The following LDB2 variants were observed in gnomAD, a reference collection of about 807,000 sequenced individuals.
LDB2 encodes the protein LIM domain-binding protein 2.
LDB2 carries 12 observed loss-of-function variants against 44.3 expected under a neutral mutation model. That is an observed-to-expected ratio of 0.27 (90% CI 0.17 to 0.44). The LOEUF (loss-of-function observed/expected upper bound fraction) is 0.44. Ranked by LOEUF, LDB2 falls within the 20% of genes least tolerant of loss-of-function variation. The pLI is 1.00. For synonymous variants in LDB2, 164 were observed against 174.8 expected (o/e 0.94, Z 0.49); for missense variants, 344 against 473.5 (o/e 0.73, Z 2.54).
At chr4:16,760,838 C>T (rs1007442588) in intron 1 of LDB2, among the ~76,000 whole-genome samples, 3 of 152,140 alleles carry the variant, frequency 2.0e-5, no homozygotes, top group African/African-American at 4.8e-5. Context: ...AAACCCTATT[C>T]GGAAGACTGG....
chr4:16,756,821 A>C lies in LDB2; in HGVS notation c.235+2337T>G, dbSNP rs370475176. ...AGGATTTATGGCAACTTAGAGATAA[A>C]GTATTATAGACCCAAAAGGACCCCC... is the stretch of plus-strand genomic sequence containing the variant. On this transcript the variant is annotated intron_variant, in intron 2 of 7. Coordinates refer to ENST00000304523, the MANE Select transcript of LDB2 (RefSeq NM_001290.5). Among the ~76,000 whole-genome samples, 47 of 152,236 alleles carry C rather than the reference A, an allele frequency of 3.1e-4. No individual in the cohort carries two copies. The South Asian group carries it at 3.3e-3, about 11-fold the overall frequency.
At chr4:16,708,922 A>G (rs1578960896) in intron 2 of LDB2, among the ~76,000 whole-genome samples, 1 of 151,946 alleles carries the variant, frequency 6.6e-6, no homozygotes, top group Admixed American at 6.6e-5. Context: ...GCAGGTCTCT[A>G]CCCTGCAAGC....
chr4:16,511,895 T>C, intron 6 of LDB2, 86 bp downstream of exon 6: 1 of 1,421,540 alleles, frequency 7.0e-7, no homozygotes. Flanking sequence ...AAATTAATGA[T>C]CACTTTCTTC....
Position 16,659,671 on chromosome 4 carries a change from G to GTGTGTATATATATATATA in LDB2, c.236-63797_236-63796insTATATATATATATACACA, listed in dbSNP as rs1315288524. On this transcript the variant is annotated intron_variant, in intron 2 of 7. Transcript: ENST00000304523. ...CACACATATGAGTATATCTATGTGT[G>GTGTGTATATATATATATA]TATATATATATATATATATATGTAT... is the stretch of plus-strand genomic sequence containing the variant. Among the ~76,000 whole-genome samples, 67 of 133,546 alleles carry GTGTGTATATATATATATA rather than the reference G, an allele frequency of 5.0e-4. 3 individuals carry two copies. The South Asian group carries it at 6.7e-3, about 13-fold the overall frequency. The allele number at this position is 133,546 out of a possible 152,430, so 87.6% of individuals were successfully genotyped here.
chr4:16,864,969 C>T (rs138288277), intron 1 of LDB2, among the ~76,000 whole-genome samples: 1,817 of 151,602 alleles, frequency 0.012, 15 homozygotes, highest in Middle Eastern at 0.041. Context: ...ACCGGCCAGG[C>T]GCGGTGTGGC....
intron 1 of LDB2, among the ~76,000 whole-genome samples, chr4:16,849,968 C>T (rs1360143637): frequency 3.3e-5 from 5 of 152,146 alleles, no homozygotes; most frequent in African/African-American, 1.2e-4. Flanking sequence ...TTAACAATCC[C>T]CAGGAAGGTG....
chr4:16,892,804 A>C (rs1036396025), intron 1 of LDB2, among the ~76,000 whole-genome samples: 5 of 152,186 alleles, frequency 3.3e-5, no homozygotes, highest in African/African-American at 1.2e-4. Context: ...CCCAAACAAA[A>C]AGCTAAATGT....
intron 2 of LDB2, among the ~76,000 whole-genome samples, chr4:16,637,171 C>T (rs2152503565): frequency 6.6e-6 from 1 of 152,238 alleles, no homozygotes; most frequent in Middle Eastern, 3.4e-3. Flanking sequence ...ACAAATTCTA[C>T]TTTTGTGGAG....
At chr4:16,685,073 T>C (rs1248646396) in intron 2 of LDB2, among the ~76,000 whole-genome samples, 1 of 152,198 alleles carries the variant, frequency 6.6e-6, no homozygotes, top group East Asian at 1.9e-4. Flanking sequence ...ATGTATAGCT[T>C]GGAAAGGGCC....
intron 6 of LDB2, among the ~76,000 whole-genome samples, chr4:16,509,883 A>T (rs1341147693): frequency 6.6e-6 from 1 of 152,134 alleles, no homozygotes; most frequent in Non-Finnish European, 1.5e-5. Context: ...TGGGAGGACG[A>T]GGCAAGTGGA....
At position 16,893,090 on chromosome 4, in the gene LDB2, T is replaced by C. The variant is rs2302191; in HGVS notation, c.132+5264A>G. ...TCTTACAATTGGTTTTCTGAGGCCA[T>C]GTAGAGATCCTGAAAAATAAGAGAG... is the stretch of plus-strand genomic sequence containing the variant. On this transcript the variant is annotated intron_variant, in intron 1 of 7. Transcript: ENST00000304523. The C allele has an allele frequency of 9.3e-6, 9 of 972,732 alleles. No individual in the cohort carries two copies. In the East Asian group the frequency reaches 8.0e-4, roughly 86 times the overall value. The allele number at this position is 972,732 out of a possible 1,614,324, so 60.3% of individuals were successfully genotyped here.
Position 16,690,121 on chromosome 4 carries a change from A to G in LDB2, c.235+69037T>C, listed in dbSNP as rs554640660. On this transcript the variant is annotated intron_variant, in intron 2 of 7. Coordinates refer to ENST00000304523, the MANE Select transcript of LDB2 (RefSeq NM_001290.5). ...GGCCATGATCTTAGAAAAGGAACACACTGTCCTCAGTTTCTAACTCATGGG... is the reference window on the plus strand; with the variant it reads ...GGCCATGATCTTAGAAAAGGAACACGCTGTCCTCAGTTTCTAACTCATGGG... Among the ~76,000 whole-genome samples, 7 of 152,278 alleles carry G rather than the reference A, an allele frequency of 4.6e-5. No individual in the cohort carries two copies. The South Asian group carries it at 8.3e-4, about 18-fold the overall frequency.
intron 1 of LDB2, among the ~76,000 whole-genome samples, chr4:16,793,128 T>G (rs1776095174): frequency 6.6e-6 from 1 of 152,220 alleles, no homozygotes. Context: ...AAACTTCATT[T>G]CTAAGTGTGC....
At chr4:16,743,619 A>G (rs1374809432) in intron 2 of LDB2, among the ~76,000 whole-genome samples, 2 of 150,098 alleles carry the variant, frequency 1.3e-5, no homozygotes, top group African/African-American at 2.4e-5. Context: ...TTAAAAAGAC[A>G]AGCTGCTTGT....
chr4:16,809,732 A>ACAAG (rs1779445871), intron 1 of LDB2, among the ~76,000 whole-genome samples: 1 of 148,926 alleles, frequency 6.7e-6, no homozygotes, highest in South Asian at 2.2e-4. Flanking sequence ...ACAAAACAAA[A>ACAAG]CAAACAAACA....
intron 2 of LDB2, among the ~76,000 whole-genome samples, chr4:16,717,672 A>G (rs1186939028): frequency 6.6e-6 from 1 of 152,156 alleles, no homozygotes; most frequent in South Asian, 2.1e-4. Context: ...TTTATATGCA[A>G]TTATTATGTT....
In LDB2 at chr4:16,799,644, G is replaced by A. The variant is rs534191281; in HGVS notation, c.133-40384C>T. 1.1e-3 allele frequency among the ~76,000 whole-genome samples: 161 copies of A among 152,246 alleles called. 1 individual carries two copies. Among genetic ancestry groups the A allele is most frequent in the African/African-American group, 3.3e-3 (138 of 41,542 alleles). On this transcript the variant is annotated intron_variant, in intron 1 of 7. Coordinates refer to ENST00000304523, the MANE Select transcript of LDB2 (RefSeq NM_001290.5). ...GGATTTATGATTGAACAAGAACAAA[G>A]GCAAAAGCATGGGAAATGCAGTCTC... is the stretch of plus-strand genomic sequence containing the variant.
At chr4:16,894,264 C>A (rs549273601) in intron 1 of LDB2, among the ~76,000 whole-genome samples, 1 of 152,158 alleles carries the variant, frequency 6.6e-6, no homozygotes, top group South Asian at 2.1e-4. Flanking sequence ...GACATTGGGT[C>A]AATTTTTGAC....
At chr4:16,698,640 A>G (rs1382482802) in intron 2 of LDB2, among the ~76,000 whole-genome samples, 2 of 152,092 alleles carry the variant, frequency 1.3e-5, no homozygotes, top group African/African-American at 4.8e-5. Flanking sequence ...TTCTTTGTAA[A>G]TTAAGAAAAT....
Sources: allele counts gnomAD v4.1 joint callset (sites outside exome capture counted in the v4.1 genomes callset), GRCh38; gene constraint gnomAD v4.1.1; transcripts MANE v1.5; gene names NCBI Gene and HGNC (gene_info 2026-07-23, HGNC 2026-07-21).